The following SLC5A4 variants were observed in gnomAD, a reference collection of about 807,000 sequenced individuals.
The protein encoded by SLC5A4 is solute carrier family 5 member 4.
A neutral mutation model predicts 70.3 loss-of-function variants in SLC5A4; 55 were observed. The observed-to-expected ratio is 0.78, with a 90% CI of 0.63 to 0.98. SLC5A4 has a LOEUF of 0.98. SLC5A4 is among the 50% of genes least tolerant of loss of function. The pLI, the probability that SLC5A4 is intolerant of heterozygous loss-of-function variation, is 0.00. For missense variants in SLC5A4, 735 were observed against 839.2 expected (o/e 0.88, Z 1.53); for synonymous variants, 268 against 305.7 (o/e 0.88, Z 1.29).
At chr22:32,251,418 T>C (rs1927149231) in intron 3 of SLC5A4, among the ~76,000 whole-genome samples, 2 of 151,962 alleles carry the variant, frequency 1.3e-5, no homozygotes, top group Non-Finnish European at 2.9e-5. Context: ...AGGAGTGGGT[T>C]CCTGATTTTA....
At chr22:32,320,468 C>A in the SLC5A4 span, among the ~76,000 whole-genome samples, 4 of 152,214 alleles carry the variant, frequency 2.6e-5, no homozygotes, top group Non-Finnish European at 5.9e-5. Context: ...TCTCCATCAG[C>A]AGGATGCCAG....
At chr22:32,247,803 TG>T (rs1926921166) in intron 4 of SLC5A4, among the ~76,000 whole-genome samples, 1 of 152,204 alleles carries the variant, frequency 6.6e-6, no homozygotes, top group African/African-American at 2.4e-5. Flanking sequence ...CACTGCCGGT[TG>T]GGTGTCTCCA....
the SLC5A4 span, among the ~76,000 whole-genome samples, chr22:32,265,581 T>G: frequency 1.3e-5 from 2 of 152,166 alleles, no homozygotes; most frequent in African/African-American, 4.8e-5. Context: ...ATATCCAAAA[T>G]GTAGGCCACA....
the SLC5A4 span, among the ~76,000 whole-genome samples, chr22:32,300,030 A>G: frequency 1.4e-4 from 20 of 143,570 alleles, no homozygotes; most frequent in African/African-American, 4.6e-4. Flanking sequence ...CTCCAGCTGC[A>G]TGCTGGGAGA....
At chr22:32,258,013 T>C (rs968073527), upstream of SLC5A4, among the ~76,000 whole-genome samples, 2 of 151,922 alleles carry the variant, frequency 1.3e-5, no homozygotes, top group Admixed American at 6.6e-5. Context: ...TGAGACAGAG[T>C]CTTGCTCTGT....
At chr22:32,251,963 C>T (rs1927192498) in intron 2 of SLC5A4, 89 bp from the exon 3 acceptor site, 2 of 930,574 alleles carry the variant, frequency 2.1e-6, no homozygotes, top group African/African-American at 1.6e-5. Flanking sequence ...GGCGTGGTGG[C>T]TCACGCCTGT....
chr22:32,285,776 G>A, the SLC5A4 span, among the ~76,000 whole-genome samples: 4 of 147,932 alleles, frequency 2.7e-5, no homozygotes, highest in African/African-American at 5.0e-5. Context: ...TCACTCTGTC[G>A]CCCAGGCTGG....
At chr22:32,324,512 G>A in the SLC5A4 span, among the ~76,000 whole-genome samples, 20 of 152,184 alleles carry the variant, frequency 1.3e-4, no homozygotes, top group East Asian at 2.9e-3. Flanking sequence ...ACATTACTGG[G>A]AACACCCTCC....
intron 3 of SLC5A4, among the ~76,000 whole-genome samples, chr22:32,250,851 C>T (rs962689141): frequency 2.0e-5 from 3 of 151,838 alleles, no homozygotes; most frequent in Non-Finnish European, 2.9e-5. Flanking sequence ...CAAACTAACC[C>T]AGGAACAGGA....
chr22:32,301,522 CTAAA>C, the SLC5A4 span, among the ~76,000 whole-genome samples: 1 of 152,092 alleles, frequency 6.6e-6, no homozygotes, highest in East Asian at 1.9e-4. Flanking sequence ...TTTAAAAGGT[CTAAA>C]TAAATAAAAA....
At chr22:32,267,755 T>C in the SLC5A4 span, among the ~76,000 whole-genome samples, 1 of 152,356 alleles carries the variant, frequency 6.6e-6, no homozygotes, top group South Asian at 2.1e-4. Context: ...ATATGCCCCA[T>C]TTCAGGTGCT....
In SLC5A4 at chr22:32,225,724, A is replaced by G; in HGVS notation, c.1380T>C (p.Ser460=). Reference sequence around the variant, plus strand: ...CTGCAATTGGAGGCCCAAGGTAGCTAGAAATTGATTCTGTGTAATGGATTA... The same window carrying G: ...CTGCAATTGGAGGCCCAAGGTAGCTGGAAATTGATTCTGTGTAATGGATTA... ...GQLIHYTESI[S]SYLGPPIAAV... The change falls in exon 12 of 15, where the codon TCT becomes TCC. Residue 460 remains serine (S), a synonymous_variant. Transcript: ENST00000266086. 6.2e-7 allele frequency: 1 copy of G among 1,613,306 alleles called. No individual in the cohort carries two copies. Among genetic ancestry groups the G allele is most frequent in the South Asian group, 1.1e-5 (1 of 91,038 alleles).
chr22:32,299,713 TGGA>T, the SLC5A4 span, among the ~76,000 whole-genome samples: 1 of 111,504 alleles, frequency 9.0e-6, no homozygotes, highest in Non-Finnish European at 1.9e-5. Flanking sequence ...TGCGTTCCTT[TGGA>T]GGAGGAGAGG....
At chr22:32,310,305 T>C in the SLC5A4 span, among the ~76,000 whole-genome samples, 138 of 152,240 alleles carry the variant, frequency 9.1e-4, 1 homozygote, top group African/African-American at 3.2e-3. Context: ...ATCTGACTCC[T>C]TCCTCTTACT....
At chr22:32,231,115 T>C (rs772776238) in intron 9 of SLC5A4, 40 bp from the exon 10 acceptor site, 7 of 1,201,616 alleles carry the variant, frequency 5.8e-6, no homozygotes, top group Admixed American at 5.1e-5. Flanking sequence ...GAGGCCCAAA[T>C]AGGCAAAACC....
At chr22:32,350,378 C>CT in the SLC5A4 span, among the ~76,000 whole-genome samples, 7 of 152,208 alleles carry the variant, frequency 4.6e-5, no homozygotes, top group African/African-American at 1.7e-4. Flanking sequence ...CGCCCAGTCA[C>CT]TGATGCACTT....
the SLC5A4 span, among the ~76,000 whole-genome samples, chr22:32,331,007 GGGGGCTCTGGT>G: frequency 4.6e-5 from 2 of 43,374 alleles, no homozygotes; most frequent in African/African-American, 8.7e-5. Flanking sequence ...TGTGTGTGTT[GGGGGCTCTGGT>G]GTGTGTGTGT....
chr22:32,237,431 GA>G, intron 6 of SLC5A4, 107 bp from the exon 7 acceptor site: 1 of 709,514 alleles, frequency 1.4e-6, no homozygotes, highest in Non-Finnish European at 2.3e-6. Context: ...TGACCCAGTA[GA>G]AGACATCAAA....
chr22:32,313,416 A>G, the SLC5A4 span, among the ~76,000 whole-genome samples: 13 of 152,352 alleles, frequency 8.5e-5, no homozygotes, highest in East Asian at 2.1e-3. Flanking sequence ...ACACAGATAC[A>G]GATACCATTC....
Sources: gnomAD v4.1 joint callset for allele counts (sites outside exome capture counted in the v4.1 genomes callset) on GRCh38, gnomAD v4.1.1 for gene constraint, MANE v1.5 for transcripts, NCBI Gene and HGNC (gene_info 2026-07-23, HGNC 2026-07-21) for gene names.